Variants in FAM120B observed in about 807,000 individuals in gnomAD.
FAM120B encodes the protein family with sequence similarity 120 member B.
In FAM120B, 83 loss-of-function variants were observed where a neutral mutation model predicts 96.3. That is an observed-to-expected ratio of 0.86 (90% CI 0.72 to 1.03). The LOEUF (loss-of-function observed/expected upper bound fraction) is 1.03, where lower values mean the gene tolerates loss of function less well. Ranked by LOEUF, FAM120B falls within the 50% of genes least tolerant of loss-of-function variation. The pLI, the probability that FAM120B is intolerant of heterozygous loss-of-function variation, is 0.00. For missense variants in FAM120B, 1,027 were observed against 1,121.2 expected (o/e 0.92, Z 1.20); for synonymous variants, 407 against 402.7 (o/e 1.01, Z -0.13).
upstream of FAM120B, among the ~76,000 whole-genome samples, chr6:170,293,500 G>T (rs1051805291): frequency 3.9e-5 from 6 of 152,052 alleles, no homozygotes; most frequent in African/African-American, 1.4e-4. Context: ...CAGATTTCTC[G>T]ATTACGGCGG....
chr6:170,386,956 A>G lies in FAM120B; in HGVS notation c.2284-1331A>G, dbSNP rs372641804. On this transcript the variant is annotated intron_variant, in intron 6 of 10. Coordinates refer to ENST00000476287, the MANE Select transcript of FAM120B (RefSeq NM_032448.3). ...GATTTAACATTTGAAAACCATTGTA[A>G]ATAACAATGAATAAGAAAAAGGATA... 1.6e-3 allele frequency among the ~76,000 whole-genome samples: 247 copies of G among 152,370 alleles called. 2 individuals carry two copies. Among genetic ancestry groups the G allele is most frequent in the Non-Finnish European group, 2.3e-3 (155 of 68,042 alleles).
intron 6 of FAM120B, among the ~76,000 whole-genome samples, chr6:170,385,593 A>AG (rs1231939246): frequency 6.6e-6 from 1 of 152,160 alleles, no homozygotes; most frequent in African/African-American, 2.4e-5. Flanking sequence ...GATGGCCATG[A>AG]GGTGGTTTCT....
In FAM120B at chr6:170,330,510, G is replaced by T; in HGVS notation, c.1977G>T (p.Arg659Ser). The T allele has an allele frequency of 1.2e-6, 2 of 1,614,154 alleles. No individual in the cohort carries two copies. The highest frequency in any genetic ancestry group is 1.7e-6 in the Non-Finnish European group (2 of 1,180,032). ...TTGTGTATCCTGGGAACCCACTGAG[G>T]CACCCGGACCTCGTCAGGCCGCTGC... is the stretch of plus-strand genomic sequence containing the variant. ...EWFVYPGNPL[R>S]HPDLVRPLQM... Residue 659 changes from arginine to serine, a missense_variant, in exon 4 of 11, where the codon AGG becomes AGT. Physicochemically the swap from Arg to Ser is moderately radical, Grantham distance 110. Transcript: ENST00000476287.
rs748702003 is a variant in FAM120B at position 170,318,020 on chromosome 6, G to A, written c.630G>A (p.Lys210=). 3.7e-6 allele frequency: 6 copies of A among 1,614,008 alleles called. No individual in the cohort carries two copies. Among genetic ancestry groups the A allele is most frequent in the Non-Finnish European group, 5.1e-6 (6 of 1,179,936 alleles). ...SLDTVMLCRE[K]LCESLGLCVA... is the part of the protein sequence containing the mutation. The stretch of plus-strand genomic sequence containing the variant: ...ACACCGTCATGCTCTGCAGAGAGAA[G>A]CTCTGTGAGAGTCTGGGCCTCTGTG... Residue 210 remains lysine (K), a synonymous_variant, in exon 2 of 11, where the codon AAG becomes AAA. Coordinates refer to ENST00000476287, the MANE Select transcript of FAM120B (RefSeq NM_032448.3).
intron 6 of FAM120B, among the ~76,000 whole-genome samples, chr6:170,360,808 A>T (rs574683185): frequency 6.6e-6 from 1 of 152,160 alleles, no homozygotes; most frequent in Non-Finnish European, 1.5e-5. Flanking sequence ...AGTTTCGTTC[A>T]TCTCCCCACC....
At chr6:170,379,777 TAAAGATTGATAATACAAAA>T (rs1789797332) in intron 6 of FAM120B, among the ~76,000 whole-genome samples, 1 of 152,246 alleles carries the variant, frequency 6.6e-6, no homozygotes, top group Non-Finnish European at 1.5e-5. Context: ...CAGGCTGCCA[TAAAGATTGATAATACAAAA>T]GAGATTTTGT....
In FAM120B at chr6:170,295,970, G is replaced by C. The variant is rs12200136; in HGVS notation, c.48+517G>C. Reference sequence around the variant, plus strand: ...CCGGCGCAGATGACGGCTCGGCAGCGGGCCCCCGCCCCCTCCTCTGCGCCG... The same window carrying C: ...CCGGCGCAGATGACGGCTCGGCAGCCGGCCCCCGCCCCCTCCTCTGCGCCG... On this transcript the variant is annotated intron_variant, in intron 1 of 10. Coordinates refer to the FAM120B transcript ENST00000537664. The surrounding 1 kb of genome is among the most constrained non-coding windows in gnomAD (Gnocchi z 7.8). 2.6e-5 allele frequency among the ~76,000 whole-genome samples: 4 copies of C among 151,910 alleles called. No homozygotes were observed. Among genetic ancestry groups the C allele is most frequent in the African/African-American group, 9.7e-5 (4 of 41,400 alleles).
chr6:170,292,897 A>C (rs1783918470), upstream of FAM120B, among the ~76,000 whole-genome samples: 2 of 152,240 alleles, frequency 1.3e-5, no homozygotes, highest in African/African-American at 4.8e-5. The surrounding 1 kb of genome is among the most constrained non-coding windows in gnomAD (Gnocchi z 6.6). Flanking sequence ...TATGATGTTT[A>C]GTGCCAGGTG....
upstream of FAM120B, chr6:170,290,935 CG>C (rs1783849813): frequency 2.9e-6 from 2 of 698,366 alleles, no homozygotes; most frequent in Admixed American, 4.0e-5. This position sits in a 1 kb window ranked among gnomAD's most constrained non-coding sequence, Gnocchi z 4.7. Flanking sequence ...ATCTGGCTCT[CG>C]CCGGCGCCTG....
intron 6 of FAM120B, among the ~76,000 whole-genome samples, chr6:170,380,690 G>C (rs540559054): frequency 2.7e-4 from 41 of 152,230 alleles, no homozygotes; most frequent in African/African-American, 9.4e-4. Flanking sequence ...TGTTTTAATT[G>C]GGTTATTTGT....
In FAM120B at chr6:170,323,166, G is replaced by C; in HGVS notation, c.1822G>C (p.Glu608Gln). The C allele has an allele frequency of 6.2e-7, 1 of 1,614,150 alleles. No homozygotes were observed. Among genetic ancestry groups the C allele is most frequent in the Non-Finnish European group, 8.5e-7 (1 of 1,180,028 alleles). Residue 608 changes from glutamate to glutamine, a missense_variant, in exon 3 of 11, where the codon GAA (glutamate) becomes CAA (glutamine). This residue lies in a region of FAM120B where 880 missense variants were observed against 980.9 expected (regional missense o/e 0.90). Transcript: ENST00000476287. ...AGAGATTGAATGCAGCAACACCCTA[G>C]AAGATGAGCTTGACCAGGCCTTACC... ...SGEIECSNTL[E>Q]DELDQALPSQ...
chr6:170,392,746 G>A (rs375920224), intron 8 of FAM120B, among the ~76,000 whole-genome samples: 4 of 152,114 alleles, frequency 2.6e-5, no homozygotes, highest in Non-Finnish European at 5.9e-5. Context: ...GTCATGGGGG[G>A]AGTAGCCGCC....
intron 6 of FAM120B, among the ~76,000 whole-genome samples, chr6:170,379,057 G>T (rs147916589): frequency 4.5e-4 from 68 of 152,282 alleles, no homozygotes; most frequent in African/African-American, 1.6e-3. Context: ...TGGGAACCTT[G>T]CTCAAGACAT....
chr6:170,325,629 T>G (rs976580983), intron 3 of FAM120B, among the ~76,000 whole-genome samples: 6 of 151,140 alleles, frequency 4.0e-5, no homozygotes, highest in African/African-American at 9.7e-5. Context: ...TCACCTGAGG[T>G]CAGGAGTTTG....
At chr6:170,395,009 A>G (rs1012222325) in intron 8 of FAM120B, among the ~76,000 whole-genome samples, 1 of 152,264 alleles carries the variant, frequency 6.6e-6, no homozygotes, top group Non-Finnish European at 1.5e-5. Flanking sequence ...AGAGACAAAC[A>G]GGACAAGGTG....
At chr6:170,391,830 C>T (rs958316880) in intron 8 of FAM120B, among the ~76,000 whole-genome samples, 1 of 152,076 alleles carries the variant, frequency 6.6e-6, no homozygotes, top group Non-Finnish European at 1.5e-5. Flanking sequence ...ATAAAGACAA[C>T]GAGCTTCTGC....
chr6:170,378,281 G>A (rs1247448693), intron 6 of FAM120B, among the ~76,000 whole-genome samples: 2 of 152,164 alleles, frequency 1.3e-5, no homozygotes, highest in South Asian at 2.1e-4. Context: ...CTTTCTATAA[G>A]GATTCTTTAA....
At chr6:170,341,679 A>G (rs1786842764) in intron 4 of FAM120B, among the ~76,000 whole-genome samples, 1 of 152,170 alleles carries the variant, frequency 6.6e-6, no homozygotes, top group African/African-American at 2.4e-5. Context: ...TGGGAAAAGC[A>G]TAGTATCTGG....
chr6:170,344,518 A>G (rs1787049670), intron 4 of FAM120B, among the ~76,000 whole-genome samples: 1 of 140,566 alleles, frequency 7.1e-6, no homozygotes, highest in East Asian at 2.1e-4. Context: ...CCTTGGAAGA[A>G]CGGATGAAAT....
Sources: allele counts gnomAD v4.1 joint callset (sites outside exome capture counted in the v4.1 genomes callset), GRCh38; gene constraint gnomAD v4.1.1; regional missense constraint gnomAD v4.1.1; non-coding constraint Gnocchi (gnomAD v3.1); transcripts MANE v1.5; gene names NCBI Gene and HGNC (gene_info 2026-07-23, HGNC 2026-07-21).